Variants in RPS6KA3 observed in about 807,000 individuals in gnomAD.
RPS6KA3 encodes the protein ribosomal protein S6 kinase alpha-3.
In RPS6KA3, 4 loss-of-function variants were observed where a neutral mutation model predicts 67.2. That is an observed-to-expected ratio of 0.06 (90% confidence interval 0.03 to 0.14). RPS6KA3 has a LOEUF of 0.14. RPS6KA3 is among the 10% of genes least tolerant of loss of function. The pLI, the probability that RPS6KA3 is intolerant of heterozygous loss-of-function variation, is 1.00. For synonymous variants in RPS6KA3, 182 were observed against 183.7 expected (o/e 0.99, Z 0.07); for missense variants, 204 against 559.0 (o/e 0.36, Z 6.40).
At chrX:20,266,540 C>T in intron 1 of RPS6KA3, 24 bp downstream of exon 1, 2 of 1,129,677 alleles carry the variant, frequency 1.8e-6, no homozygotes, top group Admixed American at 2.6e-5. Flanking sequence ...GATGCGCCGG[C>T]CCCGGCCGCC....
intron 2 of RPS6KA3, among the ~76,000 whole-genome samples, chrX:20,210,938 G>C (rs768166692): frequency 5.0e-4 from 53 of 107,061 alleles, no homozygotes; most frequent in Non-Finnish European, 7.7e-4. Flanking sequence ...AAGGGCTTCA[G>C]AGTGATAGCT....
intron 1 of RPS6KA3, among the ~76,000 whole-genome samples, chrX:20,253,377 T>C (rs1191833642): frequency 9.0e-6 from 1 of 111,357 alleles, no homozygotes; most frequent in African/African-American, 3.3e-5. Flanking sequence ...TCTTTTTGTC[T>C]GTGACTGTTG....
At chrX:20,212,262 C>T (rs1453382270) in intron 2 of RPS6KA3, among the ~76,000 whole-genome samples, 3 of 111,683 alleles carry the variant, frequency 2.7e-5, no homozygotes, top group Non-Finnish European at 5.6e-5. Context: ...CTTTGGGAGG[C>T]TGAGGTGGGT....
chrX:20,220,158 A>C (rs1055745140), intron 2 of RPS6KA3, among the ~76,000 whole-genome samples: 7 of 110,988 alleles, frequency 6.3e-5, no homozygotes, highest in African/African-American at 2.3e-4. Flanking sequence ...TCCTCTATCA[A>C]ATTTTTATGA....
rs373745079 is a variant in RPS6KA3 at position 20,209,276 on chromosome X, C to T, written c.243+12G>A. The T allele has an allele frequency of 4.1e-6, 4 of 978,036 alleles. No homozygotes were observed. In the African/African-American group the frequency reaches 5.7e-5, roughly 14 times the overall value. 80.6% of individuals were successfully genotyped at this position (978,036 alleles called of 1,213,427 possible). ...AAGACAACTCTTAAAAAAGCACACA[C>T]TCATGACTTACCTTTCCAAATGATC... On this transcript the variant is annotated intron_variant, in intron 3 of 21. Transcript: ENST00000379565.
At chrX:20,212,082 C>T (rs760995745) in intron 2 of RPS6KA3, among the ~76,000 whole-genome samples, 10 of 111,749 alleles carry the variant, frequency 8.9e-5, no homozygotes, top group Non-Finnish European at 1.9e-4. Flanking sequence ...ACAGGATCAA[C>T]CCTTACCCTT....
intron 6 of RPS6KA3, among the ~76,000 whole-genome samples, chrX:20,193,987 A>G (rs1042519177): frequency 2.7e-5 from 3 of 112,616 alleles, no homozygotes; most frequent in Non-Finnish European, 3.8e-5. Flanking sequence ...CAGGGTTAAG[A>G]CAAAGACTGT....
intron 1 of RPS6KA3, among the ~76,000 whole-genome samples, chrX:20,254,307 T>C (rs956680934): frequency 1.8e-5 from 2 of 112,159 alleles, no homozygotes; most frequent in Non-Finnish European, 3.8e-5. Flanking sequence ...TAAGAAACTA[T>C]AGACTAGTTT....
At chrX:20,184,127 C>A (rs1200089088) in intron 10 of RPS6KA3, among the ~76,000 whole-genome samples, 4 of 111,759 alleles carry the variant, frequency 3.6e-5, no homozygotes, top group Non-Finnish European at 1.9e-5. Context: ...TAGCTCACTG[C>A]AACCTCCGCC....
intron 18 of RPS6KA3, 48 bp downstream of exon 18, chrX:20,164,851 T>G (rs1241950866): frequency 1.0e-6 from 1 of 963,361 alleles, no homozygotes; most frequent in Admixed American, 2.2e-5. Flanking sequence ...ACATAGTGAA[T>G]GAGTTTTAAA....
chrX:20,241,634 A>T (rs1383439248), intron 1 of RPS6KA3: 3 of 109,537 alleles, frequency 2.7e-5, no homozygotes, highest in Non-Finnish European at 5.7e-5. Flanking sequence ...GATCATCAAC[A>T]CCAAGACATG....
chrX:20,186,428 G>T, intron 9 of RPS6KA3, 62 bp from the exon 10 acceptor site: 1 of 611,936 alleles, frequency 1.6e-6, no homozygotes, highest in Non-Finnish European at 2.6e-6. Context: ...AAGGCCAGAA[G>T]GTAAAAAAAA....
intron 2 of RPS6KA3, among the ~76,000 whole-genome samples, chrX:20,232,214 C>T (rs2069284148): frequency 8.9e-6 from 1 of 111,799 alleles, no homozygotes; most frequent in African/African-American, 3.3e-5. Context: ...ATTTTTGTAA[C>T]CTTAGTGTAG....
At position 20,256,702 on chromosome X, in the gene RPS6KA3, C is replaced by CT. The variant is rs752366207; in HGVS notation, c.69+9861dup. 3.6e-5 allele frequency among the ~76,000 whole-genome samples: 4 copies of CT among 111,971 alleles called. No individual in the cohort carries two copies. In the South Asian group the frequency reaches 1.1e-3, roughly 31 times the overall value. On this transcript the variant is annotated intron_variant, in intron 1 of 21. Coordinates refer to ENST00000379565, the MANE Select transcript of RPS6KA3 (RefSeq NM_004586.3). Reference sequence around the variant, plus strand: ...CATCAACTTCACTCAGTTTTACTAACTTTTTAAACTTTACTTATTGACTAC... The same window carrying CT: ...CATCAACTTCACTCAGTTTTACTAACTTTTTTAAACTTTACTTATTGACTAC...
At chrX:20,198,469 G>T (rs1385986790) in intron 4 of RPS6KA3, among the ~76,000 whole-genome samples, 1 of 112,035 alleles carries the variant, frequency 8.9e-6, no homozygotes, top group East Asian at 2.8e-4. Context: ...GGGAAACAGA[G>T]ACAATGTGAG....
chrX:20,189,116 T>C (rs2068059842), intron 7 of RPS6KA3, among the ~76,000 whole-genome samples: 1 of 111,368 alleles, frequency 9.0e-6, no homozygotes, highest in African/African-American at 3.3e-5. Flanking sequence ...GACTCAATCA[T>C]TGTTTCCTTA....
At position 20,242,776 on chromosome X, in the gene RPS6KA3, A is replaced by G. The variant is rs761503847; in HGVS notation, c.70-7962T>C. Among the ~76,000 whole-genome samples the G allele has an allele frequency of 1.2e-3, 134 of 111,761 alleles. 1 individual carries two copies. Among genetic ancestry groups the G allele is most frequent in the Middle Eastern group, 4.7e-3 (1 of 215 alleles). ...GATAGTAAGGTCCTTATGAATTTTA[A>G]AAGTCTATCTTTTAAGAAGTATAAA... On this transcript the variant is annotated intron_variant, in intron 1 of 21. Coordinates refer to ENST00000379565, the MANE Select transcript of RPS6KA3 (RefSeq NM_004586.3).
chrX:20,186,394 G>T (rs773275624), intron 9 of RPS6KA3, 28 bp from the exon 10 acceptor site: 24 of 909,386 alleles, frequency 2.6e-5, no homozygotes, highest in Non-Finnish European at 3.7e-5. Flanking sequence ...AATCAGAAGT[G>T]TTAGTCAATA....
At chrX:20,183,277 G>A (rs1488691551) in intron 10 of RPS6KA3, among the ~76,000 whole-genome samples, 2 of 110,401 alleles carry the variant, frequency 1.8e-5, no homozygotes, top group Non-Finnish European at 3.8e-5. Context: ...GCATGATCAT[G>A]GCTCACTGCA....
Sources: gnomAD v4.1 joint callset for allele counts (sites outside exome capture counted in the v4.1 genomes callset) on GRCh38, gnomAD v4.1.1 for gene constraint, MANE v1.5 for transcripts, NCBI Gene and HGNC (gene_info 2026-07-23, HGNC 2026-07-21) for gene names.